The following CNGA3 variants were observed in gnomAD, a reference collection of about 807,000 sequenced individuals.
CNGA3 encodes cyclic nucleotide gated channel subunit alpha 3.
In CNGA3, 42 loss-of-function variants were observed where a neutral mutation model predicts 46.6. The ratio of observed to expected loss-of-function variants is 0.90; its 90% CI spans 0.70 to 1.17. The LOEUF (loss-of-function observed/expected upper bound fraction) is 1.17. Among genes scored for constraint, CNGA3 ranks in the 50% most tolerant of loss-of-function variants. The pLI is 0.00. For missense variants in CNGA3, 893 were observed against 890.7 expected, an observed-to-expected ratio of 1.00 and a Z score of -0.03; for synonymous variants, 394 against 369.4, an observed-to-expected ratio of 1.07 and a Z score of -0.76.
intron 2 of CNGA3, among the ~76,000 whole-genome samples, chr2:98,370,478 A>G (rs1227300672): frequency 1.3e-5 from 2 of 152,226 alleles, no homozygotes; most frequent in Non-Finnish European, 2.9e-5. Context: ...TGGGCACCAA[A>G]GATGTAGCAT....
chr2:98,383,501 AG>A, intron 5 of CNGA3, 60 bp downstream of exon 5: 1 of 1,564,836 alleles, frequency 6.4e-7, no homozygotes, highest in Non-Finnish European at 8.8e-7. Context: ...ACCCCATAGA[AG>A]CCCCAGCTTG....
At chr2:98,361,969 A>C (rs796709312) in intron 1 of CNGA3, among the ~76,000 whole-genome samples, 68 of 151,936 alleles carry the variant, frequency 4.5e-4, no homozygotes, top group African/African-American at 1.5e-3. Context: ...GGCCTCCCAA[A>C]GTGCTGGGAT....
chr2:98,375,579 A>G (rs1284735637), intron 2 of CNGA3, among the ~76,000 whole-genome samples: 1 of 152,228 alleles, frequency 6.6e-6, no homozygotes, highest in African/African-American at 2.4e-5. Flanking sequence ...GGTCTCTGAC[A>G]GGGTCTTTTA....
At chr2:98,353,303 T>C (rs1473454437) in intron 1 of CNGA3, among the ~76,000 whole-genome samples, 1 of 148,686 alleles carries the variant, frequency 6.7e-6, no homozygotes, top group African/African-American at 2.4e-5. Flanking sequence ...TATGGTAATA[T>C]TAACATTTTA....
chr2:98,351,387 G>C (rs1182525115), intron 1 of CNGA3, among the ~76,000 whole-genome samples: 1 of 152,182 alleles, frequency 6.6e-6, no homozygotes, highest in African/African-American at 2.4e-5. Flanking sequence ...TCATGATAGT[G>C]AATAAGTCTC....
At chr2:98,356,338 G>A (rs896485323) in intron 1 of CNGA3, among the ~76,000 whole-genome samples, 2 of 150,712 alleles carry the variant, frequency 1.3e-5, no homozygotes, top group African/African-American at 4.9e-5. Context: ...GACTCAGACA[G>A]AGTCTGAGAA....
intron 4 of CNGA3, 25 bp downstream of exon 4, chr2:98,380,379 G>T (rs756330528): frequency 6.9e-6 from 11 of 1,605,020 alleles, no homozygotes; most frequent in African/African-American, 1.3e-5. Context: ...AGAAGAAGGG[G>T]CCTCTGGTGC....
chr2:98,396,997 C>T lies in CNGA3; in HGVS notation c.1827C>T (p.Asp609=), dbSNP rs778279209. Residue 609 remains aspartate (D), a synonymous_variant, in exon 8 of 8, where the codon GAC becomes GAT. Transcript: ENST00000272602. The part of the protein sequence containing the change: ...EEKGRQILMK[D]NLIDEELARA... ...AAGGACGGCAGATCCTGATGAAAGA[C>T]AACCTGATCGATGAGGAGCTGGCCA... The T allele has an allele frequency of 9.3e-6, 15 of 1,614,022 alleles. No individual in the cohort carries two copies. The highest frequency in any genetic ancestry group is 1.6e-4 in the Middle Eastern group (1 of 6,062).
At chr2:98,383,367 G>A (rs1188773707) in intron 4 of CNGA3, 21 bp from the exon 5 acceptor site, 6 of 1,613,556 alleles carry the variant, frequency 3.7e-6, no homozygotes, top group Non-Finnish European at 5.1e-6. Context: ...GACCCTTGAT[G>A]TTCTCTCTAC....
intron 2 of CNGA3, among the ~76,000 whole-genome samples, chr2:98,377,032 G>A (rs1175609439): frequency 6.6e-6 from 1 of 152,204 alleles, no homozygotes; most frequent in East Asian, 1.9e-4. Flanking sequence ...GCAGGAGAGA[G>A]AGCCTAGAGT....
At chr2:98,364,776 T>G (rs1574365572) in intron 1 of CNGA3, among the ~76,000 whole-genome samples, 1 of 152,184 alleles carries the variant, frequency 6.6e-6, no homozygotes, top group Non-Finnish European at 1.5e-5. Context: ...CCATAGTTAG[T>G]GTTTCCTTCA....
chr2:98,396,764 G>A lies in CNGA3; in HGVS notation c.1594G>A (p.Asp532Asn). 2 of 1,614,210 alleles carry A rather than the reference G, an allele frequency of 1.2e-6. No homozygotes were observed. Among genetic ancestry groups the A allele is most frequent in the Non-Finnish European group, 1.7e-6 (2 of 1,180,038 alleles). The change falls in exon 8 of 8, where the codon GAT becomes AAT. Residue 532 changes from aspartate (D) to asparagine (N), a missense_variant. Transcript: ENST00000272602. ...INEGKLAVVA[D>N]DGVTQFVVLS... The stretch of plus-strand genomic sequence containing the variant: ...CGAGGGCAAGCTGGCCGTGGTGGCT[G>A]ATGATGGGGTCACCCAGTTCGTGGT...
intron 6 of CNGA3, 61 bp from the exon 7 acceptor site, chr2:98,391,803 T>G: frequency 6.6e-7 from 1 of 1,519,412 alleles, no homozygotes; most frequent in South Asian, 1.1e-5. Flanking sequence ...TGCCCACAGG[T>G]GGGTGGTCCA....
At chr2:98,389,943 A>G (rs1692745065) in intron 6 of CNGA3, among the ~76,000 whole-genome samples, 169 bp downstream of exon 6, 1 of 152,150 alleles carries the variant, frequency 6.6e-6, no homozygotes, top group African/African-American at 2.4e-5. Flanking sequence ...GTTCCCCAAG[A>G]GGACCATCAG....
At chr2:98,377,896 A>T (rs1339638011) in intron 3 of CNGA3, 96 bp downstream of exon 3, 1 of 1,323,496 alleles carries the variant, frequency 7.6e-7, no homozygotes, top group Admixed American at 2.3e-5. Flanking sequence ...ATGGGGGTGG[A>T]GTTGAAGATT....
At chr2:98,369,550 T>G (rs1266060161) in intron 1 of CNGA3, among the ~76,000 whole-genome samples, 2 of 152,178 alleles carry the variant, frequency 1.3e-5, no homozygotes, top group African/African-American at 4.8e-5. Flanking sequence ...TGCCAAATTA[T>G]AAGATAAAAA....
At chr2:98,389,997 G>A (rs1692746255) in intron 6 of CNGA3, among the ~76,000 whole-genome samples, 2 of 152,330 alleles carry the variant, frequency 1.3e-5, no homozygotes, top group East Asian at 3.9e-4. Context: ...CAGGTGGACA[G>A]CCAGGGTTTC....
rs1260317371 is a variant in CNGA3 at position 98,397,571 on chromosome 2, A to G, written c.*316A>G. On this transcript the variant is annotated 3_prime_UTR_variant, in exon 8 of 8. Coordinates refer to ENST00000272602, the MANE Select transcript of CNGA3 (RefSeq NM_001298.3). ...AGGACTCTCATTACTTTTTTATGGA[A>G]TCTGCAAGGTGTTTTTAGGCTTTTT... The G allele has an allele frequency of 2.2e-5, 9 of 413,636 alleles. No homozygotes were observed. The highest frequency in any genetic ancestry group is 3.5e-5 in the Non-Finnish European group (8 of 227,102). 25.6% of individuals were successfully genotyped at this position (413,636 alleles called of 1,614,324 possible). A position where few individuals can be genotyped will look rare whatever the true frequency, so the allele number is the denominator to read the frequency against.
chr2:98,356,991 G>A (rs988689381), intron 1 of CNGA3, among the ~76,000 whole-genome samples: 4 of 152,144 alleles, frequency 2.6e-5, no homozygotes, highest in African/African-American at 7.2e-5. Flanking sequence ...AACAGTAACA[G>A]GCAAAGATTA....
Sources: allele counts gnomAD v4.1 joint callset (sites outside exome capture counted in the v4.1 genomes callset), GRCh38; gene constraint gnomAD v4.1.1; transcripts MANE v1.5; gene names NCBI Gene and HGNC (gene_info 2026-07-23, HGNC 2026-07-21).